CSNK2A2IP: variants seen among roughly 807,000 people sequenced by gnomAD.
CSNK2A2IP encodes the protein casein kinase II subunit alpha'-interacting protein.
chr3:88,444,262 A>T, the CSNK2A2IP span, among the ~76,000 whole-genome samples: 1 of 80,184 alleles, frequency 1.2e-5, no homozygotes, highest in Non-Finnish European at 4.2e-5. Flanking sequence ...TAAAGGGTAC[A>T]AAAATTACAT....
At chr3:88,369,194 G>T in the CSNK2A2IP span, among the ~76,000 whole-genome samples, 5 of 151,984 alleles carry the variant, frequency 3.3e-5, no homozygotes, top group Admixed American at 3.3e-4. Context: ...TGAACAAAAA[G>T]GAGAGTGAAA....
At chr3:88,349,641 G>T in the CSNK2A2IP span, among the ~76,000 whole-genome samples, 1 of 151,854 alleles carries the variant, frequency 6.6e-6, no homozygotes, top group Non-Finnish European at 1.5e-5. Context: ...TTTTTTGGGG[G>T]GTAGATGCCC....
At chr3:88,406,589 C>A in the CSNK2A2IP span, among the ~76,000 whole-genome samples, 1 of 152,150 alleles carries the variant, frequency 6.6e-6, no homozygotes, top group Non-Finnish European at 1.5e-5. Flanking sequence ...GGGTATAACA[C>A]TGATTGAATG....
chr3:88,441,506 T>C, the CSNK2A2IP span, among the ~76,000 whole-genome samples: 1 of 152,186 alleles, frequency 6.6e-6, no homozygotes, highest in Non-Finnish European at 1.5e-5. Context: ...CATGATTGAT[T>C]ATATGTTGCG....
chr3:88,377,538 C>A, the CSNK2A2IP span, among the ~76,000 whole-genome samples: 1 of 151,416 alleles, frequency 6.6e-6, no homozygotes. Context: ...AACCATGTTG[C>A]ATTCTGTTGA....
chr3:88,359,453 C>A, the CSNK2A2IP span, among the ~76,000 whole-genome samples: 2 of 151,382 alleles, frequency 1.3e-5, no homozygotes, highest in African/African-American at 2.4e-5. Context: ...AAAGATACAT[C>A]ATTTGGTTGT....
At chr3:88,372,639 T>C in the CSNK2A2IP span, among the ~76,000 whole-genome samples, 1 of 151,438 alleles carries the variant, frequency 6.6e-6, no homozygotes, top group African/African-American at 2.4e-5. Flanking sequence ...ATTGATTAAT[T>C]ACCTTAAATG....
At chr3:88,369,861 G>C in the CSNK2A2IP span, among the ~76,000 whole-genome samples, 1 of 151,918 alleles carries the variant, frequency 6.6e-6, no homozygotes, top group East Asian at 1.9e-4. Context: ...AAGTTTACTA[G>C]GGGGACCTAG....
chr3:88,390,571 G>C, the CSNK2A2IP span, among the ~76,000 whole-genome samples: 2 of 152,136 alleles, frequency 1.3e-5, no homozygotes, highest in Non-Finnish European at 2.9e-5. Context: ...TATAGCAAAA[G>C]AATAAATAAC....
the CSNK2A2IP span, among the ~76,000 whole-genome samples, chr3:88,437,504 A>G: frequency 6.6e-6 from 1 of 152,202 alleles, no homozygotes; most frequent in Non-Finnish European, 1.5e-5. Context: ...GACCAAGAAG[A>G]GACTCTTCAG....
At chr3:88,352,220 TCTAC>T in the CSNK2A2IP span, among the ~76,000 whole-genome samples, 83 of 152,190 alleles carry the variant, frequency 5.5e-4, no homozygotes, top group African/African-American at 1.3e-3. Context: ...CTCTCATCTA[TCTAC>T]CTATCTATCT....
the CSNK2A2IP span, among the ~76,000 whole-genome samples, chr3:88,411,916 C>A: frequency 6.6e-6 from 1 of 151,466 alleles, no homozygotes; most frequent in African/African-American, 2.4e-5. Context: ...AAATCAATTT[C>A]ACCTGTTTCT....
the CSNK2A2IP span, among the ~76,000 whole-genome samples, chr3:88,417,541 C>A: frequency 2.0e-5 from 3 of 152,112 alleles, no homozygotes; most frequent in African/African-American, 7.2e-5. Context: ...TTTTCTGTAA[C>A]CTACTGTTTT....
At chr3:88,424,037 T>C in the CSNK2A2IP span, among the ~76,000 whole-genome samples, 13 of 152,152 alleles carry the variant, frequency 8.5e-5, no homozygotes, top group African/African-American at 3.1e-4. Flanking sequence ...GTATTTCAAC[T>C]CGGATATACT....
chr3:88,407,408 A>G, the CSNK2A2IP span, among the ~76,000 whole-genome samples: 1 of 152,096 alleles, frequency 6.6e-6, no homozygotes, highest in African/African-American at 2.4e-5. Flanking sequence ...GGATTGATAC[A>G]AAACAATATT....
At chr3:88,427,739 G>A in the CSNK2A2IP span, among the ~76,000 whole-genome samples, 3 of 152,176 alleles carry the variant, frequency 2.0e-5, no homozygotes, top group African/African-American at 7.2e-5. Context: ...TGAGGTTTGG[G>A]AACCTCCGCC....
At chr3:88,363,708 A>T in the CSNK2A2IP span, among the ~76,000 whole-genome samples, 1 of 152,206 alleles carries the variant, frequency 6.6e-6, no homozygotes, top group Non-Finnish European at 1.5e-5. Flanking sequence ...ACTTGGAAAC[A>T]GTTATATCCT....
chr3:88,371,227 G>A, the CSNK2A2IP span, among the ~76,000 whole-genome samples: 1 of 151,830 alleles, frequency 6.6e-6, no homozygotes, highest in Admixed American at 6.6e-5. Context: ...GATTGCAAGT[G>A]GGTCAGAATG....
chr3:88,363,444 C>G, the CSNK2A2IP span, among the ~76,000 whole-genome samples: 1 of 152,082 alleles, frequency 6.6e-6, no homozygotes, highest in Non-Finnish European at 1.5e-5. Flanking sequence ...TAATTGAATA[C>G]AGTTAGTATA....
Sources: allele counts gnomAD v4.1 joint callset (sites outside exome capture counted in the v4.1 genomes callset), GRCh38; gene constraint gnomAD v4.1.1; transcripts MANE v1.5; gene names NCBI Gene and HGNC (gene_info 2026-07-23, HGNC 2026-07-21).